ULK1: variants seen among roughly 807,000 people sequenced by gnomAD.
ULK1 encodes the protein serine/threonine-protein kinase ULK1.
A neutral mutation model predicts 117.5 loss-of-function variants in ULK1; 48 were observed. That is an observed-to-expected ratio of 0.41 (90% CI 0.32 to 0.52). The LOEUF is 0.52. Among genes scored for constraint, ULK1 ranks in the 20% least tolerant of loss-of-function variants. The pLI is 0.29. For synonymous variants in ULK1, 790 were observed against 637.8 expected, an observed-to-expected ratio of 1.24 and a Z score of -3.60; for missense variants, 1,387 against 1,473.4, an observed-to-expected ratio of 0.94 and a Z score of 0.96.
chr12:131,912,899 A>G (rs1347508889), intron 13 of ULK1, among the ~76,000 whole-genome samples: 1 of 152,192 alleles, frequency 6.6e-6, no homozygotes, highest in Non-Finnish European at 1.5e-5. Flanking sequence ...GGAGTTAGCT[A>G]AAGGCTGGGG....
chr12:131,910,790 C>T lies in ULK1; in HGVS notation c.938C>T (p.Ala313Val). ...SSSSSSTSHL[A>V]SPPSLGEMQQ... ...AGCAGCAGCTCCACCTCCCACCTGG[C>T]CTCCCCGCCGGTGAGTTGCCGCCCC... The change falls in exon 12 of 28, where the codon GCC (alanine) becomes GTC (valine). Residue 313 changes from alanine (A) to valine (V), a missense_variant. Physicochemically the swap from Ala to Val is moderately conservative, Grantham distance 64. This residue lies in a region of ULK1 where 260 missense variants were observed against 271.6 expected (regional missense o/e 0.96). Coordinates refer to ENST00000321867, the MANE Select transcript of ULK1 (RefSeq NM_003565.4). The T allele has an allele frequency of 6.2e-7, 1 of 1,612,336 alleles. No homozygotes were observed. Among genetic ancestry groups the T allele is most frequent in the Non-Finnish European group, 8.5e-7 (1 of 1,179,732 alleles).
At chr12:131,913,534 C>CA (rs923134117) in intron 14 of ULK1, among the ~76,000 whole-genome samples, 3 of 151,386 alleles carry the variant, frequency 2.0e-5, no homozygotes, top group Admixed American at 6.6e-5. Flanking sequence ...TCTCTACTGA[C>CA]AAAAAAAAGA....
intron 22 of ULK1, 29 bp from the exon 23 acceptor site, chr12:131,918,468 G>C (rs1377850321): frequency 6.3e-7 from 1 of 1,598,842 alleles, no homozygotes; most frequent in Non-Finnish European, 8.5e-7. Context: ...GCTGGTCCTG[G>C]TGTGCCCCTC....
chr12:131,914,508 T>C, intron 16 of ULK1, 31 bp downstream of exon 16: 1 of 1,602,022 alleles, frequency 6.2e-7, no homozygotes, highest in Non-Finnish European at 8.5e-7. Flanking sequence ...TAGCCAGGCG[T>C]GGCTGGGGCC....
intron 12 of ULK1, among the ~76,000 whole-genome samples, chr12:131,911,230 C>T (rs1307014892): frequency 6.6e-6 from 1 of 152,180 alleles, no homozygotes; most frequent in East Asian, 1.9e-4. Context: ...CGGCCATGAA[C>T]CCCCGTCCCT....
In ULK1 at chr12:131,918,554, G is replaced by A. The variant is rs774195982; in HGVS notation, c.2384G>A (p.Ser795Asn). Residue 795 changes from serine to asparagine, a missense_variant, in exon 23 of 28, where the codon AGC (serine) becomes AAC (asparagine). By Grantham distance (46) the Ser-to-Asn change is conservative (BLOSUM62 1). Around this residue, in one of 4 missense-constraint regions of ULK1, gnomAD observed 900 missense variants for 858.9 expected, o/e 1.05. Transcript: ENST00000321867. ...CGCCACCTGGTGCCTGGGCCCTGCA[G>A]CGAGGCCCCAGCCCCTGAGCTCCCT... ...SARHLVPGPC[S>N]EAPAPELPAP... is the part of the protein sequence containing the mutation. The A allele has an allele frequency of 1.2e-6, 2 of 1,611,090 alleles. No individual in the cohort carries two copies. Among genetic ancestry groups the A allele is most frequent in the East Asian group, 4.5e-5 (2 of 44,814 alleles).
intron 25 of ULK1, 130 bp downstream of exon 25, chr12:131,919,720 CCTGG>C (rs1890064268): frequency 3.5e-6 from 4 of 1,142,794 alleles, no homozygotes; most frequent in Non-Finnish European, 5.1e-6. Context: ...GGCCCCGGGG[CCTGG>C]CCCAGTGTGC....
intron 12 of ULK1, 56 bp downstream of exon 12, chr12:131,910,856 C>G: frequency 1.9e-6 from 3 of 1,605,874 alleles, no homozygotes; most frequent in Non-Finnish European, 1.7e-6. Flanking sequence ...CAGTCAGGGG[C>G]TCCAGCCCTG....
At position 131,916,602 on chromosome 12, in the gene ULK1, G is replaced by T. The variant is rs755567865; in HGVS notation, c.2072+11G>T. 6.4e-7 allele frequency: 1 copy of T among 1,562,234 alleles called. No individual in the cohort carries two copies. Among genetic ancestry groups the T allele is most frequent in the Non-Finnish European group, 8.6e-7 (1 of 1,160,942 alleles). On this transcript the variant is annotated intron_variant, in intron 20 of 27. Transcript: ENST00000321867. ...GGGCCCCTTTGGCCGGTGAGTTGAG[G>T]GGACAGGCCTTGGACGGGCTTCTGA...
chr12:131,900,488 C>T (rs1889043413), intron 3 of ULK1, among the ~76,000 whole-genome samples: 2 of 152,220 alleles, frequency 1.3e-5, no homozygotes, highest in African/African-American at 4.8e-5. Context: ...GGCCTCCTTA[C>T]TGAGCATGTG....
At chr12:131,915,863 G>A in intron 18 of ULK1, 28 bp from the exon 19 acceptor site, 2 of 1,605,136 alleles carry the variant, frequency 1.2e-6, no homozygotes, top group Non-Finnish European at 1.7e-6. Flanking sequence ...CGGACCGGAA[G>A]GTCGTGACGA....
chr12:131,905,403 C>T (rs1048306704), intron 3 of ULK1, among the ~76,000 whole-genome samples: 14 of 152,048 alleles, frequency 9.2e-5, no homozygotes, highest in Admixed American at 7.2e-4. Context: ...GTGTGGGACG[C>T]GGCTCCTGAG....
rs1889798501 is a variant in ULK1 at position 131,916,579 on chromosome 12, GC to G, written c.2064del (p.Phe689LeufsTer135). On this transcript the variant is annotated frameshift_variant, in exon 20 of 28. Coordinates refer to ENST00000321867, the MANE Select transcript of ULK1 (RefSeq NM_003565.4). LOFTEE classifies it high-confidence loss of function. ...CTGCGGCCAGGCGAGGACCCCAAGG[GC>G]CCCTTTGGCCGGTGAGTTGAGGGGA... ...PGLRPGEDPK[G>X]PFGRSFSTSR... 6.3e-7 allele frequency: 1 copy of G among 1,579,214 alleles called. No individual in the cohort carries two copies. The highest frequency in any genetic ancestry group is 1.9e-5 in the Admixed American group (1 of 52,384).
chr12:131,910,580 C>T, intron 11 of ULK1, 132 bp from the exon 12 acceptor site: 1 of 1,583,390 alleles, frequency 6.3e-7, no homozygotes. Context: ...GGGAGCCTCC[C>T]TCCTTCCTGC....
intron 26 of ULK1, 49 bp from the exon 27 acceptor site, chr12:131,921,051 G>A: frequency 6.5e-7 from 1 of 1,533,884 alleles, no homozygotes; most frequent in Non-Finnish European, 8.8e-7. Context: ...CCCTTGCTGG[G>A]AGGGAGTGGG....
At chr12:131,917,370 C>CGGCTCGGAGGCCGTGGGATGG (rs1566127312) in intron 21 of ULK1, 41 bp from the exon 22 acceptor site, 1 of 1,208,572 alleles carries the variant, frequency 8.3e-7, no homozygotes, top group African/African-American at 2.2e-5. Flanking sequence ...TGGGGGTCGG[C>CGGCTCGGAGGCCGTGGGATGG]GGGAGTCAGG....
intron 4 of ULK1, 96 bp downstream of exon 4, chr12:131,907,020 A>C: frequency 1.2e-5 from 18 of 1,531,260 alleles, no homozygotes; most frequent in South Asian, 9.4e-5. Context: ...GGTGATGAGC[A>C]CCTTTTCTTT....
At chr12:131,900,554 G>A (rs955896337) in intron 3 of ULK1, among the ~76,000 whole-genome samples, 1 of 152,208 alleles carries the variant, frequency 6.6e-6, no homozygotes, top group Non-Finnish European at 1.5e-5. Flanking sequence ...AGAAATCAGG[G>A]TATAGGGCTG....
intron 13 of ULK1, among the ~76,000 whole-genome samples, chr12:131,912,674 T>G (rs1889591065): frequency 6.6e-6 from 1 of 152,196 alleles, no homozygotes; most frequent in Non-Finnish European, 1.5e-5. Flanking sequence ...CCTCCGCCTC[T>G]CCCATCAGCA....
Sources: gnomAD v4.1 joint callset for allele counts (sites outside exome capture counted in the v4.1 genomes callset) on GRCh38, gnomAD v4.1.1 for gene constraint, gnomAD v4.1.1 regional missense constraint, MANE v1.5 for transcripts, NCBI Gene and HGNC (gene_info 2026-07-23, HGNC 2026-07-21) for gene names.